The following SH3BGRL2 variants were observed in gnomAD, a reference collection of about 807,000 sequenced individuals.
SH3BGRL2 encodes SH3 domain binding glutamate rich protein like 2.
A neutral mutation model predicts 14.8 loss-of-function variants in SH3BGRL2; 21 were observed. The ratio of observed to expected loss-of-function variants is 1.42; its 90% CI spans 1.01 to 2.05. SH3BGRL2 has a LOEUF of 2.05. Ranked by LOEUF, SH3BGRL2 falls within the 30% of genes most tolerant of loss-of-function variation. SH3BGRL2 has a pLI of 0.00. For missense variants in SH3BGRL2, 147 were observed against 130.8 expected, an observed-to-expected ratio of 1.12 and a Z score of -0.61; for synonymous variants, 50 against 47.8, an observed-to-expected ratio of 1.05 and a Z score of -0.19.
At chr6:79,691,513 AC>A (rs1488927609) in intron 2 of SH3BGRL2, among the ~76,000 whole-genome samples, 3 of 67,874 alleles carry the variant, frequency 4.4e-5, no homozygotes, top group African/African-American at 1.9e-4. Flanking sequence ...CCCTCCCCAC[AC>A]CCCACAACAG....
intron 1 of SH3BGRL2, among the ~76,000 whole-genome samples, chr6:79,662,783 C>T (rs1769579070): frequency 6.6e-6 from 1 of 152,138 alleles, no homozygotes; most frequent in South Asian, 2.1e-4. Context: ...TCAGGTACAC[C>T]AATCAAACGT....
At chr6:79,573,014 G>T in the SH3BGRL2 span, among the ~76,000 whole-genome samples, 4 of 152,212 alleles carry the variant, frequency 2.6e-5, no homozygotes, top group African/African-American at 9.6e-5. Context: ...TGGTCTAATT[G>T]ATTCATAATC....
chr6:79,675,032 T>C (rs1188004367), intron 2 of SH3BGRL2, among the ~76,000 whole-genome samples: 4 of 152,198 alleles, frequency 2.6e-5, no homozygotes, highest in African/African-American at 9.7e-5. Context: ...GTGTATTTTA[T>C]TCATGATTAC....
At chr6:79,590,423 T>TGATA in the SH3BGRL2 span, among the ~76,000 whole-genome samples, 12 of 51,512 alleles carry the variant, frequency 2.3e-4, no homozygotes, top group African/African-American at 1.2e-3. Flanking sequence ...AAAGAAAATG[T>TGATA]GATATATATA....
intron 2 of SH3BGRL2, among the ~76,000 whole-genome samples, chr6:79,675,860 C>A (rs980241174): frequency 6.8e-6 from 1 of 147,602 alleles, no homozygotes; most frequent in Non-Finnish European, 1.5e-5. Context: ...TTTTTTTTTT[C>A]ACTTTGTTTT....
the SH3BGRL2 span, among the ~76,000 whole-genome samples, chr6:79,587,423 G>A: frequency 6.6e-6 from 1 of 152,078 alleles, no homozygotes; most frequent in Non-Finnish European, 1.5e-5. Flanking sequence ...TACGTCCAGA[G>A]ACTAAAAAGC....
chr6:79,673,822 TG>T (rs778405734), intron 2 of SH3BGRL2, 23 bp downstream of exon 2: 2 of 1,602,420 alleles, frequency 1.2e-6, no homozygotes, highest in South Asian at 2.2e-5. Flanking sequence ...ACTGTTATCA[TG>T]CTGTTTCTTT....
chr6:79,542,620 CCAGA>C, the SH3BGRL2 span, among the ~76,000 whole-genome samples: 1 of 152,124 alleles, frequency 6.6e-6, no homozygotes, highest in Admixed American at 6.5e-5. Flanking sequence ...ACTGCATTTC[CCAGA>C]CACCCTTGCT....
chr6:79,615,035 C>G, the SH3BGRL2 span, among the ~76,000 whole-genome samples: 1 of 131,564 alleles, frequency 7.6e-6, no homozygotes, highest in Non-Finnish European at 1.7e-5. Flanking sequence ...TTATAGGTTG[C>G]CTGCATAAGC....
chr6:79,647,214 T>C (rs1769161691), intron 1 of SH3BGRL2, among the ~76,000 whole-genome samples: 1 of 152,174 alleles, frequency 6.6e-6, no homozygotes. Context: ...TGATTATTTG[T>C]CTTTTTCATT....
the SH3BGRL2 span, among the ~76,000 whole-genome samples, chr6:79,556,079 A>C: frequency 2.7e-5 from 1 of 36,428 alleles, no homozygotes; most frequent in Non-Finnish European, 4.1e-5. Flanking sequence ...AGAAGTATAA[A>C]AATTCAAAAC....
chr6:79,585,322 T>TA, the SH3BGRL2 span, among the ~76,000 whole-genome samples: 39 of 151,800 alleles, frequency 2.6e-4, no homozygotes, highest in South Asian at 1.9e-3. Flanking sequence ...ATTTTTAAAT[T>TA]AAAAAAAAAT....
At chr6:79,580,112 T>C in the SH3BGRL2 span, among the ~76,000 whole-genome samples, 1 of 152,156 alleles carries the variant, frequency 6.6e-6, no homozygotes, top group Non-Finnish European at 1.5e-5. Flanking sequence ...CCTAAATATA[T>C]ATGCAGCCGA....
chr6:79,629,459 G>A (rs1433429327), upstream of SH3BGRL2, among the ~76,000 whole-genome samples: 1 of 149,152 alleles, frequency 6.7e-6, no homozygotes, highest in East Asian at 1.9e-4. Context: ...ACAACCTCTA[G>A]GATCAGAGGA....
intron 1 of SH3BGRL2, among the ~76,000 whole-genome samples, chr6:79,659,718 A>G (rs1582723921): frequency 6.6e-6 from 1 of 152,254 alleles, no homozygotes; most frequent in Non-Finnish European, 1.5e-5. Context: ...TAATCCATAA[A>G]TTACCTTGGG....
At chr6:79,661,649 G>A (rs2473825) in intron 1 of SH3BGRL2, among the ~76,000 whole-genome samples, 88,936 of 151,994 alleles carry the variant, frequency 0.59, 26,267 homozygotes, top group South Asian at 0.7. Context: ...TATTAGGTCC[G>A]CTTGGTGCAG....
intron 1 of SH3BGRL2, among the ~76,000 whole-genome samples, chr6:79,649,182 G>A (rs1036199959): frequency 6.6e-6 from 1 of 152,190 alleles, no homozygotes; most frequent in Non-Finnish European, 1.5e-5. Flanking sequence ...AATTCCAGAA[G>A]CATAGTTTTA....
chr6:79,611,198 A>G, the SH3BGRL2 span, among the ~76,000 whole-genome samples: 1 of 152,124 alleles, frequency 6.6e-6, no homozygotes, highest in Non-Finnish European at 1.5e-5. Context: ...TGTTGTCATC[A>G]TTTATAAAGA....
Position 79,652,343 on chromosome 6 carries a change from C to T in SH3BGRL2, c.45+20837C>T, listed in dbSNP as rs1410949891. ...CGACTTTACTGAGTAATTTTATCAA[C>T]TATAGTAATGAAAACTTCAGGTTTA... On this transcript the variant is annotated intron_variant, in intron 1 of 3. Transcript: ENST00000369838. Among the ~76,000 whole-genome samples the T allele has an allele frequency of 2.0e-5, 3 of 152,252 alleles. No individual in the cohort carries two copies. In the East Asian group the frequency reaches 5.8e-4, roughly 29 times the overall value.
Sources: gnomAD v4.1 joint callset for allele counts (sites outside exome capture counted in the v4.1 genomes callset) on GRCh38, gnomAD v4.1.1 for gene constraint, MANE v1.5 for transcripts, NCBI Gene and HGNC (gene_info 2026-07-23, HGNC 2026-07-21) for gene names.